The following DOCK9 variants were observed in gnomAD, a reference collection of about 807,000 sequenced individuals.
DOCK9 encodes the protein dedicator of cytokinesis 9, also known as dedicator of cytokinesis protein 9.
Under a neutral mutation model 263.3 loss-of-function variants are expected in DOCK9, and 89 were observed. The observed-to-expected ratio is 0.34, with a 90% CI of 0.28 to 0.40. The LOEUF is 0.40. Among genes scored for constraint, DOCK9 ranks in the 10% least tolerant of loss-of-function variants. DOCK9 has a pLI of 1.00. For synonymous variants in DOCK9, 976 were observed against 973.1 expected, an observed-to-expected ratio of 1.00 and a Z score of -0.06; for missense variants, 2,140 against 2,603.4, an observed-to-expected ratio of 0.82 and a Z score of 3.87.
chr13:98,810,688 C>G (rs1325304331), intron 45 of DOCK9, among the ~76,000 whole-genome samples: 3 of 152,162 alleles, frequency 2.0e-5, no homozygotes, highest in African/African-American at 7.2e-5. Context: ...TGGAGCCTTA[C>G]TAAGCATGAT....
At chr13:99,088,054 C>T (rs1338284359), upstream of DOCK9, 1 of 152,254 alleles carries the variant, frequency 6.6e-6, no homozygotes, top group African/African-American at 2.4e-5. Context: ...GCGCAGAGAG[C>T]AAAACACCTC....
In DOCK9 at chr13:98,921,089, CTG is replaced by C; in HGVS notation, c.583-3_583-2del. ...GGTGGAAAAATCGTCTCTTAAATGA[CTG>C]AGAGAAAAATATACACACAGCTATT... is the stretch of plus-strand genomic sequence containing the variant. On this transcript the variant is annotated splice_acceptor_variant and splice_polypyrimidine_tract_variant and intron_variant, in intron 6 of 52. Transcript: ENST00000682017. LOFTEE classifies it high-confidence loss of function. The C allele has an allele frequency of 6.3e-7, 1 of 1,595,978 alleles. No homozygotes were observed. The highest frequency in any genetic ancestry group is 8.5e-7 in the Non-Finnish European group (1 of 1,171,206).
At chr13:99,036,198 T>G (rs1196648270) in intron 1 of DOCK9, among the ~76,000 whole-genome samples, 1 of 152,198 alleles carries the variant, frequency 6.6e-6, no homozygotes. Flanking sequence ...CCTATTATAC[T>G]GTTACAAACG....
intron 21 of DOCK9, among the ~76,000 whole-genome samples, chr13:98,884,660 G>T (rs1341452196): frequency 6.6e-6 from 1 of 152,162 alleles, no homozygotes; most frequent in African/African-American, 2.4e-5. Flanking sequence ...ATGACCCTAA[G>T]AACTCATCTT....
chr13:98,895,340 A>G (rs1175494698), intron 15 of DOCK9, among the ~76,000 whole-genome samples: 1 of 152,098 alleles, frequency 6.6e-6, no homozygotes, highest in Non-Finnish European at 1.5e-5. Flanking sequence ...ATAAACTAAA[A>G]TAAAATGTAA....
chr13:98,934,338 A>G (rs541987531), intron 2 of DOCK9, among the ~76,000 whole-genome samples: 7 of 152,324 alleles, frequency 4.6e-5, no homozygotes, highest in African/African-American at 1.7e-4. Flanking sequence ...GATATATACA[A>G]GATGCCCCAC....
chr13:99,000,431 C>T (rs535398159), intron 1 of DOCK9, among the ~76,000 whole-genome samples: 1 of 152,320 alleles, frequency 6.6e-6, no homozygotes, highest in East Asian at 1.9e-4. Context: ...AACTTCTCCT[C>T]CTGAGGGCTT....
intron 1 of DOCK9, among the ~76,000 whole-genome samples, chr13:98,957,653 C>A (rs1371627880): frequency 6.6e-6 from 1 of 151,586 alleles, no homozygotes; most frequent in Non-Finnish European, 1.5e-5. Flanking sequence ...AAGATTTACT[C>A]TTTTATTTGT....
intron 1 of DOCK9, among the ~76,000 whole-genome samples, chr13:98,961,237 T>C (rs1304997900): frequency 6.6e-6 from 1 of 152,108 alleles, no homozygotes; most frequent in Non-Finnish European, 1.5e-5. Context: ...AAGTTTGAAC[T>C]CCCTACCAAC....
intron 1 of DOCK9, among the ~76,000 whole-genome samples, chr13:99,082,560 TAAATAAAA>T (rs199781585): frequency 0.34 from 19,138 of 55,860 alleles, 1,517 homozygotes; most frequent in East Asian, 0.56. Context: ...AATAAATAAA[TAAATAAAA>T]AAAAACAGCT....
At position 98,885,019 on chromosome 13, in the gene DOCK9, C is replaced by T. The variant is rs771391839; in HGVS notation, c.2334G>A (p.Ala778=). The T allele has an allele frequency of 6.2e-6, 10 of 1,613,612 alleles. No homozygotes were observed. The South Asian group carries it at 8.8e-5, about 14-fold the overall frequency. Residue 778 remains alanine, a synonymous_variant, in exon 21 of 53, where the codon GCG becomes GCA. Coordinates refer to ENST00000682017, the MANE Select transcript of DOCK9 (RefSeq NM_001366683.2). ...VTSEQHIPVS[A]NLPSGYLGYQ... ...AGCCAAGATAGCCCGAAGGAAGGTTCGCCGAGACCGGGATGTGCTGCTCGC... is the reference window on the plus strand; with the variant it reads ...AGCCAAGATAGCCCGAAGGAAGGTTTGCCGAGACCGGGATGTGCTGCTCGC...
At position 98,888,385 on chromosome 13, in the gene DOCK9, T is replaced by A. The variant is rs1187294513; in HGVS notation, c.1952A>T (p.Tyr651Phe). 4 of 1,613,572 alleles carry A rather than the reference T, an allele frequency of 2.5e-6. No homozygotes were observed. The Admixed American group carries it at 6.7e-5, about 27-fold the overall frequency. ...CTTGGCAAAAGACTTCTGACTGTCG[T>A]ATTTCAAGTACTTAGGATAAACGTA... ...HLYVYPKYLKYDSQKSFAKAR... is the reference protein window; with the variant it reads ...HLYVYPKYLKFDSQKSFAKAR... Residue 651 changes from tyrosine (Y) to phenylalanine (F), a missense_variant, in exon 17 of 53, where the codon TAC (tyrosine) becomes TTC (phenylalanine). This residue lies in a region of DOCK9 where 1,521 missense variants were observed against 1,741.7 expected (regional missense o/e 0.87). Coordinates refer to ENST00000682017, the MANE Select transcript of DOCK9 (RefSeq NM_001366683.2).
intron 2 of DOCK9, among the ~76,000 whole-genome samples, chr13:98,942,900 T>C (rs2056176574): frequency 6.6e-6 from 1 of 152,190 alleles, no homozygotes; most frequent in Admixed American, 6.5e-5. Flanking sequence ...AAAGGTATGG[T>C]AAAATACAGC....
chr13:98,893,589 T>C (rs1242725145), intron 15 of DOCK9, among the ~76,000 whole-genome samples: 3 of 152,224 alleles, frequency 2.0e-5, no homozygotes, highest in East Asian at 1.9e-4. Flanking sequence ...CTTTGGCAGC[T>C]GTTTTGTTAA....
chr13:99,012,256 GA>G (rs34279668), intron 1 of DOCK9, among the ~76,000 whole-genome samples: 13,435 of 152,142 alleles, frequency 0.088, 723 homozygotes, highest in African/African-American at 0.15. Flanking sequence ...TATAGGGCAA[GA>G]AAAAAATCAC....
chr13:98,809,508 G>T, intron 46 of DOCK9, 43 bp from the exon 47 acceptor site: 2 of 1,483,794 alleles, frequency 1.3e-6, no homozygotes, highest in Non-Finnish European at 1.8e-6. Flanking sequence ...TGTGCAAAGA[G>T]GAGAATCGAT....
intron 1 of DOCK9, among the ~76,000 whole-genome samples, chr13:99,077,591 T>G (rs1002271618): frequency 1.3e-5 from 2 of 152,184 alleles, no homozygotes; most frequent in African/African-American, 4.8e-5. Flanking sequence ...AAAAATGGAC[T>G]AATACACCCT....
chr13:99,047,077 G>A (rs1244605581), intron 1 of DOCK9, among the ~76,000 whole-genome samples: 1 of 79,936 alleles, frequency 1.3e-5, no homozygotes, highest in Non-Finnish European at 2.2e-5. Flanking sequence ...ATTTTTGGTG[G>A]CTATGTTGGA....
chr13:99,022,880 C>T (rs568135330), intron 1 of DOCK9, among the ~76,000 whole-genome samples: 16 of 152,262 alleles, frequency 1.1e-4, no homozygotes, highest in Non-Finnish European at 1.6e-4. Context: ...GCCCAGGAAT[C>T]GAAGGCCGCA....
Sources: gnomAD v4.1 joint callset for allele counts (sites outside exome capture counted in the v4.1 genomes callset) on GRCh38, gnomAD v4.1.1 for gene constraint, gnomAD v4.1.1 regional missense constraint, MANE v1.5 for transcripts, NCBI Gene and HGNC (gene_info 2026-07-23, HGNC 2026-07-21) for gene names.